CTNNA2: variants seen among roughly 807,000 people sequenced by gnomAD.
The protein encoded by CTNNA2 is catenin alpha-2.
CTNNA2 carries 42 observed loss-of-function variants against 101.0 expected under a neutral mutation model. The ratio of observed to expected loss-of-function variants is 0.42; its 90% CI spans 0.32 to 0.54. The LOEUF (loss-of-function observed/expected upper bound fraction) is 0.54. CTNNA2 is among the 20% of genes least tolerant of loss of function. The pLI, the probability that CTNNA2 is intolerant of heterozygous loss-of-function variation, is 0.14. For synonymous variants in CTNNA2, 450 were observed against 456.4 expected, an observed-to-expected ratio of 0.99 and a Z score of 0.18; for missense variants, 871 against 1,223.1, an observed-to-expected ratio of 0.71 and a Z score of 4.29.
intron 7 of CTNNA2, among the ~76,000 whole-genome samples, chr2:80,354,939 C>A (rs1573817665): frequency 6.6e-6 from 1 of 152,242 alleles, no homozygotes; most frequent in East Asian, 1.9e-4. Flanking sequence ...GTGTTTCTTT[C>A]ACCTCTAAAC....
intron 7 of CTNNA2, among the ~76,000 whole-genome samples, chr2:80,378,279 G>A (rs953148769): frequency 6.6e-6 from 1 of 151,666 alleles, no homozygotes; most frequent in Non-Finnish European, 1.5e-5. Context: ...TCACTTGAAC[G>A]CAGGAGACGG....
At chr2:80,511,256 G>A (rs1271039515) in intron 9 of CTNNA2, among the ~76,000 whole-genome samples, 1 of 152,166 alleles carries the variant, frequency 6.6e-6, no homozygotes, top group Non-Finnish European at 1.5e-5. Flanking sequence ...GAGAGTTTTA[G>A]AGATGGAAAG....
chr2:79,431,337 G>T (rs563841332), intron 4 of CTNNA2, among the ~76,000 whole-genome samples: 42 of 152,126 alleles, frequency 2.8e-4, no homozygotes, highest in Non-Finnish European at 5.7e-4. Context: ...GGCAGGAAAA[G>T]ACCCCAGAGT....
rs141510418 is a variant in CTNNA2, at chr2:79,256,166, T to A, written c.-405-56543T>A. Among the ~76,000 whole-genome samples the A allele has an allele frequency of 2.6e-5, 4 of 152,246 alleles. 1 individual carries two copies. The East Asian group carries it at 7.7e-4, about 29-fold the overall frequency. On this transcript the variant is annotated intron_variant, in intron 2 of 21. Coordinates refer to the CTNNA2 transcript ENST00000466387. ...GTGAAGGGAAGACAAAGGAGATGAATTGGGAGAGGAAGGTCCTTGTCACTC... is the reference window on the plus strand; with the variant it reads ...GTGAAGGGAAGACAAAGGAGATGAAATGGGAGAGGAAGGTCCTTGTCACTC...
At chr2:79,484,435 A>G (rs1014304248) in intron 4 of CTNNA2, among the ~76,000 whole-genome samples, 5 of 152,166 alleles carry the variant, frequency 3.3e-5, no homozygotes, top group Non-Finnish European at 7.3e-5. Flanking sequence ...TGACCTACAC[A>G]TATAGGTGGA....
intron 12 of CTNNA2, among the ~76,000 whole-genome samples, chr2:80,568,498 A>G (rs1326408672): frequency 6.6e-6 from 1 of 151,908 alleles, no homozygotes; most frequent in East Asian, 1.9e-4. Context: ...TTCATATGTG[A>G]AACAGTTGAC....
At chr2:79,878,244 C>G (rs539618013) in intron 6 of CTNNA2, among the ~76,000 whole-genome samples, 1 of 152,292 alleles carries the variant, frequency 6.6e-6, no homozygotes, top group East Asian at 1.9e-4. Flanking sequence ...GGTTCCATAA[C>G]TTTGCCATTG....
At chr2:79,468,442 AC>A (rs1370206202) in intron 4 of CTNNA2, among the ~76,000 whole-genome samples, 1 of 152,110 alleles carries the variant, frequency 6.6e-6, no homozygotes, top group Non-Finnish European at 1.5e-5. Flanking sequence ...AGACTTTAAC[AC>A]CCCACTGTCA....
chr2:80,160,671 A>C (rs533497389), intron 7 of CTNNA2, among the ~76,000 whole-genome samples: 1 of 152,274 alleles, frequency 6.6e-6, no homozygotes, highest in South Asian at 2.1e-4. Context: ...GAGTTCTAGG[A>C]GTTTTTGTAG....
intron 3 of CTNNA2, among the ~76,000 whole-genome samples, chr2:79,345,294 A>G (rs1364168756): frequency 6.6e-6 from 1 of 152,136 alleles, no homozygotes; most frequent in Non-Finnish European, 1.5e-5. Context: ...TAAATAGCAT[A>G]TGTTTATATA....
intron 7 of CTNNA2, among the ~76,000 whole-genome samples, chr2:79,946,072 A>G (rs75561826): frequency 0.013 from 1,975 of 152,298 alleles, 109 homozygotes; most frequent in Admixed American, 0.098. Flanking sequence ...ACATGGCAAA[A>G]GAAGGAAATT....
At chr2:79,956,843 G>GTTTTTTGTTTTTTTTTTTT (rs1553413397) in intron 7 of CTNNA2, among the ~76,000 whole-genome samples, 4 of 98,904 alleles carry the variant, frequency 4.0e-5, no homozygotes, top group African/African-American at 1.9e-4. Context: ...ATACGTGTGG[G>GTTTTTTGTTTTTTTTTTTT]TTTTTTTTTT....
At chr2:79,843,985 A>G in intron 3 of CTNNA2, among the ~76,000 whole-genome samples, 1 of 152,226 alleles carries the variant, frequency 6.6e-6, no homozygotes, top group East Asian at 1.9e-4. Flanking sequence ...AGGCAGACCT[A>G]TGTGGGAAGT....
chr2:79,934,946 G>A (rs1574351228), intron 7 of CTNNA2, among the ~76,000 whole-genome samples: 2 of 152,312 alleles, frequency 1.3e-5, no homozygotes, highest in East Asian at 3.9e-4. Flanking sequence ...TATAAATAGG[G>A]CTCAATAGTT....
intron 7 of CTNNA2, among the ~76,000 whole-genome samples, chr2:80,175,557 A>G (rs1015478863): frequency 2.0e-5 from 3 of 152,186 alleles, no homozygotes; most frequent in African/African-American, 7.2e-5. Context: ...CTATATTTGG[A>G]ACTGTGCTTC....
rs546526094 is a variant in CTNNA2, at chr2:80,335,778, G to A, written c.1057-57433G>A. Among the ~76,000 whole-genome samples the A allele has an allele frequency of 4.6e-5, 7 of 152,250 alleles. No individual in the cohort carries two copies. In the South Asian group the frequency reaches 1.2e-3, roughly 27 times the overall value. ...ACAAGTGAGAGTTCCCAATTCCTGT[G>A]AATTGAAGGCTTCTGACCATTTGAT... On this transcript the variant is annotated intron_variant, in intron 7 of 18. Coordinates refer to ENST00000402739, the MANE Select transcript of CTNNA2 (RefSeq NM_001282597.3).
intron 1 of CTNNA2, among the ~76,000 whole-genome samples, chr2:79,595,153 C>T (rs1677105957): frequency 6.6e-6 from 1 of 152,174 alleles, no homozygotes; most frequent in African/African-American, 2.4e-5. Context: ...CACTTGTGGT[C>T]AACCATTCCA....
intron 3 of CTNNA2, among the ~76,000 whole-genome samples, chr2:79,748,087 T>C (rs991177399): frequency 2.0e-5 from 3 of 152,230 alleles, no homozygotes; most frequent in Non-Finnish European, 2.9e-5. Flanking sequence ...TTGAATTTGA[T>C]GCCCAGAAGC....
chr2:79,488,313 C>A (rs1486234985), intron 4 of CTNNA2, among the ~76,000 whole-genome samples: 1 of 102,968 alleles, frequency 9.7e-6, no homozygotes, highest in East Asian at 3.3e-4. Context: ...AGTGAAACTC[C>A]ATCTCAAAAA....
Sources: allele counts gnomAD v4.1 joint callset (sites outside exome capture counted in the v4.1 genomes callset), GRCh38; gene constraint gnomAD v4.1.1; transcripts MANE v1.5; gene names NCBI Gene and HGNC (gene_info 2026-07-23, HGNC 2026-07-21).